TMEM26: variants seen among roughly 807,000 people sequenced by gnomAD.
The protein encoded by TMEM26 is transmembrane protein 26.
TMEM26 carries 38 observed loss-of-function variants against 28.8 expected under a neutral mutation model. The observed-to-expected ratio is 1.32, with a 90% confidence interval of 1.02 to 1.73. TMEM26 has a LOEUF of 1.73. Ranked by LOEUF, TMEM26 falls within the 40% of genes most tolerant of loss-of-function variation. TMEM26 has a pLI of 0.00. For missense variants in TMEM26, 518 were observed against 447.1 expected, an observed-to-expected ratio of 1.16 and a Z score of -1.43; for synonymous variants, 227 against 182.9, an observed-to-expected ratio of 1.24 and a Z score of -1.95.
Position 61,407,462 on chromosome 10 carries a change from A to C in TMEM26, c.*2860T>G, listed in dbSNP as rs1839510542. Reference sequence around the variant, plus strand: ...TTTTATTTCATTATGCTATTGAAACAGCTCAAATAAAAATTAAAAGAATAA... The same window carrying C: ...TTTTATTTCATTATGCTATTGAAACCGCTCAAATAAAAATTAAAAGAATAA... On this transcript the variant is annotated 3_prime_UTR_variant, in exon 6 of 6. Coordinates refer to ENST00000399298, the MANE Select transcript of TMEM26 (RefSeq NM_178505.8). The C allele has an allele frequency of 6.6e-6, 1 of 152,184 alleles. No homozygotes were observed. The highest frequency in any genetic ancestry group is 6.6e-5 in the Admixed American group (1 of 15,260). 9.4% of individuals were successfully genotyped at this position (152,184 alleles called of 1,614,324 possible).
chr10:61,444,374 G>T (rs1840143927), intron 1 of TMEM26, among the ~76,000 whole-genome samples: 1 of 152,264 alleles, frequency 6.6e-6, no homozygotes, highest in Admixed American at 6.5e-5. Flanking sequence ...TGTTATTTGT[G>T]TTAGGCTTTA....
chr10:61,412,381 G>A (rs1373348443), intron 5 of TMEM26, among the ~76,000 whole-genome samples: 1 of 152,088 alleles, frequency 6.6e-6, no homozygotes, highest in Admixed American at 6.6e-5. Flanking sequence ...AAAAGAGGAT[G>A]CTATGTTTAA....
At chr10:61,415,466 A>G (rs1364547573) in intron 4 of TMEM26, among the ~76,000 whole-genome samples, 1 of 152,092 alleles carries the variant, frequency 6.6e-6, no homozygotes, top group Non-Finnish European at 1.5e-5. Flanking sequence ...CTGATTTCAG[A>G]CATTCATGCC....
intron 4 of TMEM26, among the ~76,000 whole-genome samples, chr10:61,421,098 A>G (rs563317577): frequency 6.6e-6 from 1 of 152,278 alleles, no homozygotes; most frequent in Admixed American, 6.5e-5. Flanking sequence ...AAATGGAGCC[A>G]TATTGTTAGG....
At chr10:61,443,296 C>CAAAA (rs536125967) in intron 1 of TMEM26, among the ~76,000 whole-genome samples, 3 of 117,240 alleles carry the variant, frequency 2.6e-5, no homozygotes, top group Non-Finnish European at 5.7e-5. Context: ...CTAAAAATAC[C>CAAAA]AAAAAAAAAA....
intron 3 of TMEM26, among the ~76,000 whole-genome samples, chr10:61,429,867 G>A (rs965687772): frequency 1.3e-5 from 2 of 151,784 alleles, no homozygotes; most frequent in Non-Finnish European, 2.9e-5. Context: ...GTATACTATT[G>A]CCCCTACAAG....
At chr10:61,448,334 G>C (rs532234970) in intron 1 of TMEM26, among the ~76,000 whole-genome samples, 147 of 152,218 alleles carry the variant, frequency 9.7e-4, no homozygotes, top group Non-Finnish European at 1.7e-3. Flanking sequence ...TGGGAGCCTG[G>C]AGTCTTCACT....
chr10:61,421,317 C>T (rs1412962608), intron 4 of TMEM26, among the ~76,000 whole-genome samples: 1 of 151,480 alleles, frequency 6.6e-6, no homozygotes, highest in Non-Finnish European at 1.5e-5. Flanking sequence ...GGATGTGAGA[C>T]ATAGAGAAAA....
chr10:61,448,463 A>G (rs2135338873), intron 1 of TMEM26, among the ~76,000 whole-genome samples: 1 of 152,344 alleles, frequency 6.6e-6, no homozygotes, highest in South Asian at 2.1e-4. Flanking sequence ...ACAGTTTTTG[A>G]AAGGATCAAA....
rs1840326260 is a variant in TMEM26, at chr10:61,453,273, G to T, written c.-192C>A. On this transcript the variant is annotated 5_prime_UTR_variant, in exon 1 of 6. Transcript: ENST00000399298. The stretch of plus-strand genomic sequence containing the variant: ...CTCGCCCCTCCCCCAAACTTCCTGA[G>T]AACTCTTCAAAGAGGGGTGAGTCCA... The T allele has an allele frequency of 3.3e-6, 2 of 610,482 alleles. No individual in the cohort carries two copies. Among genetic ancestry groups the T allele is most frequent in the Admixed American group, 3.0e-5 (1 of 33,830 alleles). The allele number at this position is 610,482 out of a possible 1,614,324, so 37.8% of individuals were successfully genotyped here. A position where few individuals can be genotyped will look rare whatever the true frequency, so the allele number is the denominator to read the frequency against.
rs569680190 is a variant in TMEM26, at chr10:61,407,114, T to C, written c.*3208A>G. ...TGCCTGGCATTTGCAATTCTTTCTCTCCTGTAACAGGAAAAGTTGGTTAAG... is the reference window on the plus strand; with the variant it reads ...TGCCTGGCATTTGCAATTCTTTCTCCCCTGTAACAGGAAAAGTTGGTTAAG... On this transcript the variant is annotated 3_prime_UTR_variant, in exon 6 of 6. Coordinates refer to ENST00000399298, the MANE Select transcript of TMEM26 (RefSeq NM_178505.8). The C allele has an allele frequency of 6.1e-3, 923 of 152,240 alleles. 6 individuals carry two copies. The highest frequency in any genetic ancestry group is 0.021 in the African/African-American group (868 of 41,550). The allele number at this position is 152,240 out of a possible 1,614,324, so 9.4% of individuals were successfully genotyped here.
chr10:61,440,592 C>A (rs1008522810), intron 1 of TMEM26, among the ~76,000 whole-genome samples: 5 of 151,872 alleles, frequency 3.3e-5, no homozygotes, highest in African/African-American at 4.8e-5. Context: ...AGAAATACCC[C>A]CTCTCTCTTA....
rs762128382 is a variant in TMEM26, at chr10:61,428,946, G to T, written c.585C>A (p.Thr195=). Residue 195 remains threonine (T), a synonymous_variant, in exon 4 of 6, where the codon ACC becomes ACA. Coordinates refer to ENST00000399298, the MANE Select transcript of TMEM26 (RefSeq NM_178505.8). ...CTCACCTCACATTTTGTTCTTCTAG[G>T]GTCTCACTTGTGAATTCCAGTATGT... ...AADILEFTSE[T]LEEQNVRNSP... The T allele has an allele frequency of 2.5e-6, 4 of 1,612,940 alleles. No individual in the cohort carries two copies. The Admixed American group carries it at 5.0e-5, about 20-fold the overall frequency.
At chr10:61,444,584 A>G (rs1159608201) in intron 1 of TMEM26, among the ~76,000 whole-genome samples, 1 of 151,318 alleles carries the variant, frequency 6.6e-6, no homozygotes, top group Non-Finnish European at 1.5e-5. Context: ...GGACTTCCCT[A>G]CATTGTGTTC....
Position 61,436,252 on chromosome 10 carries a change from T to A in TMEM26, c.192-4A>T. The A allele has an allele frequency of 2.6e-6, 4 of 1,568,034 alleles. No homozygotes were observed. The highest frequency in any genetic ancestry group is 3.5e-6 in the Non-Finnish European group (4 of 1,156,134). On this transcript the variant is annotated splice_polypyrimidine_tract_variant and splice_region_variant and intron_variant, in intron 1 of 5. Coordinates refer to ENST00000399298, the MANE Select transcript of TMEM26 (RefSeq NM_178505.8). ...TAAAAATATGGCTGGTGAAAACCTGTGAAAAGAGAGAAGAAAAAATAGTTT... is the reference window on the plus strand; with the variant it reads ...TAAAAATATGGCTGGTGAAAACCTGAGAAAAGAGAGAAGAAAAAATAGTTT...
chr10:61,446,381 G>T (rs1379090117), intron 1 of TMEM26, among the ~76,000 whole-genome samples: 4 of 152,060 alleles, frequency 2.6e-5, no homozygotes, highest in African/African-American at 9.7e-5. Flanking sequence ...AAGCATACAG[G>T]AAGATAACAA....
intron 4 of TMEM26, among the ~76,000 whole-genome samples, chr10:61,428,542 G>T (rs61850628): frequency 6.6e-6 from 1 of 152,010 alleles, no homozygotes. Context: ...TTCTAGGAGA[G>T]GATTTTATGA....
At chr10:61,434,756 G>A (rs999552835) in intron 2 of TMEM26, among the ~76,000 whole-genome samples, 6 of 152,180 alleles carry the variant, frequency 3.9e-5, no homozygotes, top group African/African-American at 1.4e-4. Context: ...TTCAAAAGTA[G>A]TCCACAGAAC....
At chr10:61,450,107 T>C (rs1246295981) in intron 1 of TMEM26, among the ~76,000 whole-genome samples, 2 of 152,202 alleles carry the variant, frequency 1.3e-5, no homozygotes, top group East Asian at 3.8e-4. Flanking sequence ...TTAATATTTT[T>C]GCTCATGTCT....
Sources: gnomAD v4.1 joint callset for allele counts (sites outside exome capture counted in the v4.1 genomes callset) on GRCh38, gnomAD v4.1.1 for gene constraint, MANE v1.5 for transcripts, NCBI Gene and HGNC (gene_info 2026-07-23, HGNC 2026-07-21) for gene names.